Variants in RAVER2 observed in about 807,000 individuals in gnomAD.
The protein encoded by RAVER2 is ribonucleoprotein PTB-binding 2.
Under a neutral mutation model 78.1 loss-of-function variants are expected in RAVER2, and 46 were observed. The ratio of observed to expected loss-of-function variants is 0.59; its 90% confidence interval spans 0.46 to 0.75. The LOEUF (loss-of-function observed/expected upper bound fraction) is 0.75. Ranked by LOEUF, RAVER2 falls within the 30% of genes least tolerant of loss-of-function variation. The pLI, the probability that RAVER2 is intolerant of heterozygous loss-of-function variation, is 0.00. For missense variants in RAVER2, 793 were observed against 837.5 expected, an observed-to-expected ratio of 0.95 and a Z score of 0.66; for synonymous variants, 311 against 313.3, an observed-to-expected ratio of 0.99 and a Z score of 0.08.
intron 5 of RAVER2, among the ~76,000 whole-genome samples, chr1:64,799,451 G>A (rs985703347): frequency 1.2e-4 from 19 of 152,012 alleles, no homozygotes; most frequent in African/African-American, 4.6e-4. Flanking sequence ...GTTGTTATTT[G>A]TTTGTTTTTT....
At chr1:64,754,127 A>T (rs1282708707) in intron 1 of RAVER2, among the ~76,000 whole-genome samples, 4 of 152,136 alleles carry the variant, frequency 2.6e-5, no homozygotes, top group African/African-American at 9.7e-5. Context: ...TTTAATCCTC[A>T]TTTTAAGACT....
exon 12 of RAVER2, chr1:64,833,133 T>G: frequency 1.1e-5 from 2 of 174,230 alleles, no homozygotes; most frequent in South Asian, 2.0e-4. Context: ...AACCCACCCC[T>G]TCCTCCCCCC....
At chr1:64,797,512 AGTT>A (rs1653127720) in intron 5 of RAVER2, among the ~76,000 whole-genome samples, 1 of 152,192 alleles carries the variant, frequency 6.6e-6, no homozygotes, top group Non-Finnish European at 1.5e-5. Context: ...AGAGAAGAAG[AGTT>A]GTTGAAATTT....
intron 2 of RAVER2, among the ~76,000 whole-genome samples, chr1:64,772,122 C>T (rs1410809169): frequency 1.3e-5 from 2 of 152,118 alleles, no homozygotes; most frequent in Admixed American, 1.3e-4. Flanking sequence ...AATTCCCTTA[C>T]AGCCTTTTCT....
At chr1:64,803,849 T>C (rs1337897178) in intron 6 of RAVER2, among the ~76,000 whole-genome samples, 3 of 152,200 alleles carry the variant, frequency 2.0e-5, no homozygotes, top group Non-Finnish European at 4.4e-5. Flanking sequence ...TTATAGAATT[T>C]CAACCAGTAG....
chr1:64,782,921 C>T (rs1175403648), intron 4 of RAVER2, among the ~76,000 whole-genome samples: 12 of 152,188 alleles, frequency 7.9e-5, no homozygotes, highest in Non-Finnish European at 1.5e-5. Context: ...TGATGTTCCC[C>T]ATCCTGTGTC....
At chr1:64,780,653 A>C (rs1652602055) in intron 3 of RAVER2, among the ~76,000 whole-genome samples, 1 of 152,228 alleles carries the variant, frequency 6.6e-6, no homozygotes, top group African/African-American at 2.4e-5. Flanking sequence ...AGACGTGTTC[A>C]AAACCTAGAA....
intron 5 of RAVER2, among the ~76,000 whole-genome samples, chr1:64,797,779 A>T (rs1305169469): frequency 6.6e-6 from 1 of 152,000 alleles, no homozygotes; most frequent in Non-Finnish European, 1.5e-5. Context: ...CTATATGTTT[A>T]TATGTTTAAC....
intron 3 of RAVER2, 106 bp from the exon 4 acceptor site, chr1:64,781,274 T>C: frequency 1.2e-5 from 12 of 997,612 alleles, no homozygotes; most frequent in Non-Finnish European, 1.7e-5. Flanking sequence ...TTTCCACCAG[T>C]ATCATGCTCC....
intron 10 of RAVER2, 99 bp from the exon 11 acceptor site, chr1:64,814,605 T>A: frequency 1.6e-6 from 1 of 642,724 alleles, no homozygotes; most frequent in Non-Finnish European, 2.1e-6. Flanking sequence ...TTGTTTATAA[T>A]ATAACTTATA....
intron 10 of RAVER2, among the ~76,000 whole-genome samples, chr1:64,814,296 T>C (rs1182082832): frequency 6.6e-6 from 1 of 151,824 alleles, no homozygotes; most frequent in Non-Finnish European, 1.5e-5. Flanking sequence ...AGAGATGGGG[T>C]TTCACCATGT....
intron 2 of RAVER2, among the ~76,000 whole-genome samples, chr1:64,777,313 GA>G (rs1163856663): frequency 6.6e-6 from 1 of 151,926 alleles, no homozygotes; most frequent in Non-Finnish European, 1.5e-5. Flanking sequence ...TGTGTGATTG[GA>G]AAAGACTACC....
intron 1 of RAVER2, among the ~76,000 whole-genome samples, chr1:64,759,209 TA>T: frequency 6.6e-6 from 1 of 151,406 alleles, no homozygotes; most frequent in Non-Finnish European, 1.5e-5. Context: ...TTTTTATTTT[TA>T]TTTATTTTAT....
chr1:64,795,837 A>G lies in RAVER2; in HGVS notation c.1105+6323A>G, dbSNP rs76044208. ...TTAGATAGAAATTCCAATTGTGCAT[A>G]GAACTGGTGAGAGCAGACATCCTTG... On this transcript the variant is annotated intron_variant, in intron 5 of 11. Coordinates refer to ENST00000294428, the Ensembl canonical transcript of RAVER2. Among the ~76,000 whole-genome samples the G allele has an allele frequency of 1.1e-4, 16 of 152,154 alleles. 1 individual carries two copies. In the East Asian group the frequency reaches 2.9e-3, roughly 28 times the overall value.
chr1:64,799,163 G>A (rs886311601), intron 5 of RAVER2, among the ~76,000 whole-genome samples: 3 of 152,082 alleles, frequency 2.0e-5, no homozygotes, highest in African/African-American at 7.2e-5. Flanking sequence ...TTTAGCTCCT[G>A]TATATGAGGG....
At chr1:64,808,511 G>A (rs929815743) in intron 9 of RAVER2, among the ~76,000 whole-genome samples, 4 of 142,394 alleles carry the variant, frequency 2.8e-5, no homozygotes, top group African/African-American at 5.3e-5. Context: ...GCCCAGGCTG[G>A]AATGCAGCGA....
At chr1:64,759,699 G>A (rs992391733) in intron 1 of RAVER2, among the ~76,000 whole-genome samples, 1 of 151,946 alleles carries the variant, frequency 6.6e-6, no homozygotes, top group Non-Finnish European at 1.5e-5. Flanking sequence ...TATATTTTTA[G>A]TAGAGACTGG....
At chr1:64,781,174 T>C (rs921452981) in intron 3 of RAVER2, among the ~76,000 whole-genome samples, 13 of 152,306 alleles carry the variant, frequency 8.5e-5, no homozygotes, top group African/African-American at 3.1e-4. Flanking sequence ...AAGAATTGAA[T>C]AGAAACTTGA....
intron 11 of RAVER2, among the ~76,000 whole-genome samples, chr1:64,822,115 C>T (rs1039047390): frequency 2.0e-5 from 3 of 152,090 alleles, no homozygotes; most frequent in East Asian, 1.9e-4. Flanking sequence ...AGTGAGACCC[C>T]GTCTCTACTA....
Sources: gnomAD v4.1 joint callset for allele counts (sites outside exome capture counted in the v4.1 genomes callset) on GRCh38, gnomAD v4.1.1 for gene constraint, MANE v1.5 for transcripts, NCBI Gene and HGNC (gene_info 2026-07-23, HGNC 2026-07-21) for gene names.